Variants in TNFRSF19 observed in about 807,000 individuals in gnomAD.
TNFRSF19 encodes the protein TNF receptor superfamily member 19, also known as tumor necrosis factor receptor superfamily member 19.
Under a neutral mutation model 46.4 loss-of-function variants are expected in TNFRSF19, and 27 were observed. The observed-to-expected ratio is 0.58, with a 90% CI of 0.43 to 0.80. The LOEUF (loss-of-function observed/expected upper bound fraction) is 0.80. TNFRSF19 is among the 30% of genes least tolerant of loss of function. TNFRSF19 has a pLI of 0.00. For missense variants in TNFRSF19, 511 were observed against 530.8 expected, an observed-to-expected ratio of 0.96 and a Z score of 0.37; for synonymous variants, 204 against 205.0, an observed-to-expected ratio of 1.00 and a Z score of 0.04.
intron 3 of TNFRSF19, among the ~76,000 whole-genome samples, chr13:23,613,918 G>T (rs11838577): frequency 0.016 from 2,475 of 152,284 alleles, 83 homozygotes; most frequent in African/African-American, 0.057. Flanking sequence ...CATCTTTATT[G>T]TTTTCCTATT....
chr13:23,586,838 G>A lies in TNFRSF19; in HGVS notation c.-34-3312G>A, dbSNP rs1443023336. Among the ~76,000 whole-genome samples, 3 of 152,134 alleles carry A rather than the reference G, an allele frequency of 2.0e-5. No individual in the cohort carries two copies. In the East Asian group the frequency reaches 5.8e-4, roughly 29 times the overall value. Reference sequence around the variant, plus strand: ...CATGCTCCTGATACTGCCAAGCTGCGTATTGTTGTTGAATAGCAGATAGTG... The same window carrying A: ...CATGCTCCTGATACTGCCAAGCTGCATATTGTTGTTGAATAGCAGATAGTG... On this transcript the variant is annotated intron_variant, in intron 1 of 9. Coordinates refer to ENST00000248484, the MANE Select transcript of TNFRSF19 (RefSeq NM_148957.4).
chr13:23,646,024 C>T lies in TNFRSF19; in HGVS notation c.446-13026C>T, dbSNP rs78990512. ...TCCTTGCACCTGACTCACAATCCAT[C>T]AGTGTATCCAATTACTCTTAGAACA... is the stretch of plus-strand genomic sequence containing the variant. On this transcript the variant is annotated intron_variant, in intron 5 of 9. Transcript: ENST00000248484. Among the ~76,000 whole-genome samples the T allele has an allele frequency of 8.5e-3, 1,299 of 152,322 alleles. 106 individuals carry two copies. In the East Asian group the frequency reaches 0.19, roughly 22 times the overall value.
At chr13:23,577,838 T>C (rs1878067976) in intron 1 of TNFRSF19, among the ~76,000 whole-genome samples, 1 of 152,134 alleles carries the variant, frequency 6.6e-6, no homozygotes, top group Non-Finnish European at 1.5e-5. Context: ...GCAGAATCCA[T>C]TCTTTACAGT....
rs903961336 is a variant in TNFRSF19 at position 23,606,911 on chromosome 13, A to G, written c.181-8956A>G. 1.1e-4 allele frequency among the ~76,000 whole-genome samples: 16 copies of G among 152,244 alleles called. 1 individual carries two copies. Among genetic ancestry groups the G allele is most frequent in the Admixed American group, 9.2e-4 (14 of 15,288 alleles). ...CATGAATTTGTGATTTCTTCTTTTC[A>G]TTGTTCCTTTTGCAACAGCATATGT... On this transcript the variant is annotated intron_variant, in intron 3 of 9. Transcript: ENST00000248484.
At chr13:23,590,044 ATATTTAT>A in intron 1 of TNFRSF19, 99 bp from the exon 2 acceptor site, 1 of 456,170 alleles carries the variant, frequency 2.2e-6, no homozygotes, top group South Asian at 4.4e-5. Context: ...AACACAAATA[ATATTTAT>A]TACCTAGTCT....
intron 1 of TNFRSF19, among the ~76,000 whole-genome samples, chr13:23,571,683 C>T (rs1788268133): frequency 6.6e-6 from 1 of 152,096 alleles, no homozygotes; most frequent in South Asian, 2.1e-4. Context: ...CACATTTTCA[C>T]TTTAGCTAAT....
chr13:23,658,034 T>G (rs999187429), intron 5 of TNFRSF19, among the ~76,000 whole-genome samples: 1 of 152,046 alleles, frequency 6.6e-6, no homozygotes, highest in African/African-American at 2.4e-5. Context: ...AAAGAGAAAA[T>G]GTAACTGCCC....
intron 3 of TNFRSF19, among the ~76,000 whole-genome samples, chr13:23,594,702 C>T (rs1055300818): frequency 2.6e-5 from 4 of 152,234 alleles, no homozygotes; most frequent in African/African-American, 4.8e-5. Context: ...CAGACTTAAA[C>T]GTTCCTGCCT....
intron 4 of TNFRSF19, among the ~76,000 whole-genome samples, chr13:23,619,662 A>T (rs1448040892): frequency 1.3e-5 from 2 of 152,222 alleles, no homozygotes; most frequent in African/African-American, 4.8e-5. Flanking sequence ...GAGGACATGA[A>T]CGGAACATCT....
intron 5 of TNFRSF19, among the ~76,000 whole-genome samples, chr13:23,630,444 G>A (rs903933958): frequency 1.3e-5 from 2 of 151,908 alleles, no homozygotes; most frequent in African/African-American, 4.8e-5. Flanking sequence ...ACCCCCACCA[G>A]ATGAGCTGTA....
intron 5 of TNFRSF19, among the ~76,000 whole-genome samples, chr13:23,647,083 T>C (rs1227279830): frequency 6.6e-6 from 1 of 152,224 alleles, no homozygotes; most frequent in Non-Finnish European, 1.5e-5. Context: ...GTATGTCTTT[T>C]GGTAAATGTC....
At chr13:23,628,068 G>GT (rs1434511043) in intron 5 of TNFRSF19, among the ~76,000 whole-genome samples, 1 of 152,068 alleles carries the variant, frequency 6.6e-6, no homozygotes, top group Non-Finnish European at 1.5e-5. Flanking sequence ...TACTTATTTT[G>GT]TTTTACTTTT....
chr13:23,621,613 T>TG (rs1434562746), intron 4 of TNFRSF19, among the ~76,000 whole-genome samples: 3 of 152,162 alleles, frequency 2.0e-5, no homozygotes, highest in Admixed American at 2.0e-4. Context: ...TACAGCCAGA[T>TG]TTTTTTAAAA....
At chr13:23,669,373 G>A in intron 9 of TNFRSF19, 1 of 1,199,922 alleles carries the variant, frequency 8.3e-7, no homozygotes, top group Non-Finnish European at 1.0e-6. Context: ...TCCTTCCCTG[G>A]TTGAGAGAGG....
chr13:23,615,928 A>G lies in TNFRSF19; in HGVS notation c.242A>G (p.Lys81Arg), dbSNP rs758028769. The G allele has an allele frequency of 6.2e-7, 1 of 1,614,054 alleles. No individual in the cohort carries two copies. Among genetic ancestry groups the G allele is most frequent in the Non-Finnish European group, 8.5e-7 (1 of 1,179,916 alleles). The change falls in exon 4 of 10, where the codon AAG becomes AGG. Residue 81 changes from lysine (K) to arginine (R), a missense_variant. By Grantham distance (26) the Lys-to-Arg change is conservative. Coordinates refer to ENST00000248484, the MANE Select transcript of TNFRSF19 (RefSeq NM_148957.4). ...QCVTCRLHRF[K>R]EDWGFQKCKP... ...GTGACGTGCCGGCTGCACAGGTTCAAGGAGGACTGGGGCTTCCAGAAATGC... is the reference window on the plus strand; with the variant it reads ...GTGACGTGCCGGCTGCACAGGTTCAGGGAGGACTGGGGCTTCCAGAAATGC...
chr13:23,630,042 G>A (rs577151792), intron 5 of TNFRSF19, among the ~76,000 whole-genome samples: 16 of 152,124 alleles, frequency 1.1e-4, no homozygotes, highest in Non-Finnish European at 1.6e-4. Flanking sequence ...TGTGGCTCAC[G>A]CCTGTAATCT....
Position 23,590,219 on chromosome 13 carries a change from GT to G in TNFRSF19, c.41del (p.Phe14SerfsTer4). 1 of 1,593,714 alleles carries G rather than the reference GT, an allele frequency of 6.3e-7. No homozygotes were observed. The highest frequency in any genetic ancestry group is 8.5e-7 in the Non-Finnish European group (1 of 1,170,106). ...LKVLLEQEKT[F>X]FTLLVLLGYL... ...AAGTGCTACTAGAACAAGAGAAAAC[GT>G]TTTTCACTCTTTTAGTATTACTAGG... is the stretch of plus-strand genomic sequence containing the variant. On this transcript the variant is annotated frameshift_variant, in exon 2 of 10. Coordinates refer to ENST00000248484, the MANE Select transcript of TNFRSF19 (RefSeq NM_148957.4). LOFTEE classifies it high-confidence loss of function.
At position 23,675,456 on chromosome 13, in the gene TNFRSF19, A is replaced by G. The variant is rs1435561178; in HGVS notation, c.*2076A>G. The G allele has an allele frequency of 6.6e-6, 1 of 152,194 alleles. No individual in the cohort carries two copies. The highest frequency in any genetic ancestry group is 1.9e-4 in the East Asian group (1 of 5,202). The allele number at this position is 152,194 out of a possible 1,614,324, so 9.4% of individuals were successfully genotyped here. The stretch of plus-strand genomic sequence containing the variant: ...CTTTGGCCAAAAATCCCAAAACATC[A>G]TTTTCAATCAGTAGAGAAGTGCTTA... On this transcript the variant is annotated 3_prime_UTR_variant, in exon 10 of 10. Transcript: ENST00000248484.
intron 5 of TNFRSF19, among the ~76,000 whole-genome samples, chr13:23,636,158 C>T (rs1194632917): frequency 1.3e-5 from 2 of 152,206 alleles, no homozygotes; most frequent in East Asian, 3.8e-4. Flanking sequence ...GCTTCATTCT[C>T]TGTCAAGAGA....
Sources: allele counts gnomAD v4.1 joint callset (sites outside exome capture counted in the v4.1 genomes callset), GRCh38; gene constraint gnomAD v4.1.1; transcripts MANE v1.5; gene names NCBI Gene and HGNC (gene_info 2026-07-23, HGNC 2026-07-21).